The following MSN variants were observed in gnomAD, a reference collection of about 807,000 sequenced individuals.
The protein encoded by MSN is moesin, also known as epididymis luminal protein 70.
MSN carries 2 observed loss-of-function variants against 48.0 expected under a neutral mutation model. The observed-to-expected ratio is 0.04, with a 90% CI of 0.02 to 0.13. MSN has a LOEUF of 0.13. Ranked by LOEUF, MSN falls within the 10% of genes least tolerant of loss-of-function variation. MSN has a pLI of 1.00. For synonymous variants in MSN, 146 were observed against 166.9 expected (o/e 0.87, Z 0.97); for missense variants, 267 against 470.1 (o/e 0.57, Z 3.99).
chrX:65,638,611 G>C lies in MSN; in HGVS notation c.-22+49999G>C, dbSNP rs534434164. On this transcript the variant is annotated intron_variant, in intron 1 of 3. Coordinates refer to the MSN transcript ENST00000609672. ...CACTCCTTCACCCAGACTGAGTGCA[G>C]TGGCACGATCTCAGCTCATGGCAAC... Among the ~76,000 whole-genome samples, 131 of 112,590 alleles carry C rather than the reference G, an allele frequency of 1.2e-3. 2 individuals are homozygous for C. In the South Asian group the frequency reaches 0.045, roughly 38 times the overall value.
intron 1 of MSN, among the ~76,000 whole-genome samples, chrX:65,650,456 C>T (rs1242329401): frequency 1.8e-5 from 2 of 112,552 alleles, no homozygotes; most frequent in Non-Finnish European, 3.8e-5. Context: ...TCTCCTACCA[C>T]GTTCTGGCTG....
Position 65,715,681 on chromosome X carries a change from C to T in MSN, c.13-1137C>T, listed in dbSNP as rs931353133. Among the ~76,000 whole-genome samples, 4 of 111,828 alleles carry T rather than the reference C, an allele frequency of 3.6e-5. No homozygotes were observed. In the South Asian group the frequency reaches 1.5e-3, roughly 41 times the overall value. On this transcript the variant is annotated intron_variant, in intron 1 of 12. Coordinates refer to ENST00000360270, the MANE Select transcript of MSN (RefSeq NM_002444.3). ...ACTTTTGTATGTTGATTTTTGTACA[C>T]TGAGACTTTGCTGAAGTTATTTATC...
chrX:65,650,565 T>A (rs893271953), intron 1 of MSN, among the ~76,000 whole-genome samples: 1 of 112,226 alleles, frequency 8.9e-6, no homozygotes, highest in African/African-American at 3.2e-5. Flanking sequence ...ATGCCCAAGA[T>A]TCATTCATTT....
chrX:65,646,814 G>A (rs771452066), intron 1 of MSN, among the ~76,000 whole-genome samples: 170 of 111,026 alleles, frequency 1.5e-3, no homozygotes, highest in African/African-American at 5.3e-3. Context: ...GGGTGTGGTG[G>A]TGCATGCCTG....
chrX:65,724,812 G>A (rs776755896), intron 2 of MSN, among the ~76,000 whole-genome samples: 11 of 110,327 alleles, frequency 1.0e-4, no homozygotes, highest in African/African-American at 3.6e-4. Context: ...TCAGCCTCCC[G>A]AGTAGCTGGG....
At chrX:65,636,542 C>T (rs765531503) in intron 1 of MSN, among the ~76,000 whole-genome samples, 5 of 107,741 alleles carry the variant, frequency 4.6e-5, no homozygotes, top group South Asian at 4.1e-4. Flanking sequence ...TTCAGCAGCT[C>T]GAGACCAGCC....
At chrX:65,724,869 A>C (rs920220528) in intron 2 of MSN, among the ~76,000 whole-genome samples, 1 of 110,299 alleles carries the variant, frequency 9.1e-6, no homozygotes, top group Non-Finnish European at 1.9e-5. Flanking sequence ...TTGTATTTTT[A>C]GTAGAGACCA....
chrX:65,603,009 C>T (rs2070250208), intron 1 of MSN, among the ~76,000 whole-genome samples: 1 of 112,095 alleles, frequency 8.9e-6, no homozygotes, highest in African/African-American at 3.2e-5. Context: ...AAAGTGAATT[C>T]CAGATCAGGT....
chrX:65,618,229 G>A (rs2070395552), intron 1 of MSN, among the ~76,000 whole-genome samples: 1 of 111,491 alleles, frequency 9.0e-6, no homozygotes. Flanking sequence ...AGGTCCGCTT[G>A]GTGCAGAGCT....
intron 3 of MSN, 25 bp downstream of exon 3, chrX:65,727,934 T>G (rs776877316): frequency 1.2e-5 from 14 of 1,146,452 alleles, no homozygotes; most frequent in Admixed American, 4.5e-5. Flanking sequence ...CTCTGTTGGA[T>G]TTAGAATTCT....
intron 1 of MSN, 62 bp downstream of exon 1, chrX:65,667,915 G>C (rs1330340793): frequency 2.9e-5 from 33 of 1,144,425 alleles, no homozygotes; most frequent in Non-Finnish European, 3.8e-5. Flanking sequence ...ATAGCCCTTT[G>C]CTGATGGCTG....
At chrX:65,657,600 G>C (rs1478157898) in intron 1 of MSN, among the ~76,000 whole-genome samples, 1 of 111,680 alleles carries the variant, frequency 9.0e-6, no homozygotes, top group Non-Finnish European at 1.9e-5. Flanking sequence ...TGAAAAACCA[G>C]AGAGAAACTT....
intron 1 of MSN, among the ~76,000 whole-genome samples, chrX:65,653,422 A>T (rs1038064231): frequency 1.4e-4 from 15 of 111,045 alleles, no homozygotes; most frequent in African/African-American, 4.6e-4. Flanking sequence ...ATAGTTAGGA[A>T]TGTTTGAGGC....
At chrX:65,618,918 C>G (rs1224489022) in intron 1 of MSN, among the ~76,000 whole-genome samples, 6 of 109,775 alleles carry the variant, frequency 5.5e-5, no homozygotes, top group Non-Finnish European at 1.1e-4. Context: ...GACAAAATCT[C>G]TCAGCATTTG....
intron 1 of MSN, among the ~76,000 whole-genome samples, chrX:65,673,444 T>A (rs1319516997): frequency 4.5e-5 from 5 of 109,921 alleles, no homozygotes; most frequent in African/African-American, 6.7e-5. Flanking sequence ...GAGGACTGGC[T>A]ATTGTGGGGT....
intron 1 of MSN, chrX:65,625,022 C>T (rs2070492936): frequency 8.9e-6 from 1 of 111,744 alleles, no homozygotes; most frequent in South Asian, 3.7e-4. Context: ...CTCTAACCTC[C>T]TTTTTAATTT....
chrX:65,645,417 T>C (rs2070687757), intron 1 of MSN, among the ~76,000 whole-genome samples: 1 of 110,279 alleles, frequency 9.1e-6, no homozygotes, highest in African/African-American at 3.3e-5. Flanking sequence ...CCCATGGATT[T>C]TCCCTAAAGC....
chrX:65,740,908 T>C lies in MSN; in HGVS notation c.*1015T>C, dbSNP rs1602879973. On this transcript the variant is annotated 3_prime_UTR_variant, in exon 13 of 13. Coordinates refer to ENST00000360270, the MANE Select transcript of MSN (RefSeq NM_002444.3). Reference sequence around the variant, plus strand: ...GGTCTCTTCCCCTCTCAGAGCTACTTGGGCCATAGCTCCTGCTCCACAGCC... The same window carrying C: ...GGTCTCTTCCCCTCTCAGAGCTACTCGGGCCATAGCTCCTGCTCCACAGCC... The C allele has an allele frequency of 5.8e-6, 1 of 171,896 alleles. No individual in the cohort carries two copies. Among genetic ancestry groups the C allele is most frequent in the East Asian group, 8.4e-5 (1 of 11,969 alleles). 14.2% of individuals were successfully genotyped at this position (171,896 alleles called of 1,213,427 possible).
intron 1 of MSN, among the ~76,000 whole-genome samples, chrX:65,662,461 T>C (rs1010566114): frequency 1.8e-5 from 2 of 111,603 alleles, no homozygotes; most frequent in Non-Finnish European, 3.8e-5. Context: ...ACAGAATATA[T>C]AGAAAACTCA....
Sources: allele counts gnomAD v4.1 joint callset (sites outside exome capture counted in the v4.1 genomes callset), GRCh38; gene constraint gnomAD v4.1.1; transcripts MANE v1.5; gene names NCBI Gene and HGNC (gene_info 2026-07-23, HGNC 2026-07-21).